CHSY3: variants seen among roughly 807,000 people sequenced by gnomAD.
CHSY3 encodes N-acetylgalactosaminyl-proteoglycan 3-beta-glucuronosyltransferase 3.
Under a neutral mutation model 67.2 loss-of-function variants are expected in CHSY3, and 35 were observed. That is an observed-to-expected ratio of 0.52 (90% CI 0.40 to 0.69). CHSY3 has a LOEUF of 0.69. Among genes scored for constraint, CHSY3 ranks in the 30% least tolerant of loss-of-function variants. The probability of loss-of-function intolerance (pLI) is 0.00; values close to 1 mark genes in which losing one functional copy is unlikely to be tolerated. For missense variants in CHSY3, 1,069 were observed against 1,138.5 expected, an observed-to-expected ratio of 0.94 and a Z score of 0.88; for synonymous variants, 474 against 434.7, an observed-to-expected ratio of 1.09 and a Z score of -1.12.
intron 2 of CHSY3, among the ~76,000 whole-genome samples, chr5:130,182,715 C>T (rs1048308416): frequency 4.6e-5 from 7 of 151,946 alleles, no homozygotes; most frequent in Non-Finnish European, 1.0e-4. Flanking sequence ...GAATATCCTA[C>T]TGATCTGGCA....
intron 2 of CHSY3, among the ~76,000 whole-genome samples, chr5:130,050,183 T>C (rs1433679787): frequency 2.0e-5 from 3 of 152,158 alleles, no homozygotes; most frequent in Non-Finnish European, 4.4e-5. Context: ...TACTTTTCTT[T>C]TGACTAGTGC....
In CHSY3 at chr5:129,904,886, C is replaced by T; in HGVS notation, c.57C>T (p.Gly19=). The change falls in exon 1 of 3, where the codon GGC becomes GGT. Residue 19 remains glycine, a synonymous_variant. Transcript: ENST00000305031. ...GCGTGGCATTAGGGCTGGTGCTGGGCTTCACCGCCGCGTCCTGGCTCATCG... is the reference window on the plus strand; with the variant it reads ...GCGTGGCATTAGGGCTGGTGCTGGGTTTCACCGCCGCGTCCTGGCTCATCG... ...WMSVALGLVL[G]FTAASWLIAP... 1.3e-6 allele frequency: 2 copies of T among 1,522,128 alleles called. No individual in the cohort carries two copies. The highest frequency in any genetic ancestry group is 2.4e-5 in the South Asian group (2 of 82,172). 94.3% of individuals were successfully genotyped at this position (1,522,128 alleles called of 1,614,324 possible). A position where few individuals can be genotyped will look rare whatever the true frequency, so the allele number is the denominator to read the frequency against.
At chr5:129,947,559 G>A (rs1761894842) in intron 2 of CHSY3, among the ~76,000 whole-genome samples, 1 of 151,696 alleles carries the variant, frequency 6.6e-6, no homozygotes, top group African/African-American at 2.4e-5. Context: ...AGAGGTGGAG[G>A]CTGCAGTGAG....
chr5:130,071,844 A>T (rs1161140001), intron 2 of CHSY3, among the ~76,000 whole-genome samples: 1 of 151,948 alleles, frequency 6.6e-6, no homozygotes, highest in African/African-American at 2.4e-5. Flanking sequence ...TTTTCTCCAC[A>T]TTCTTACTAA....
chr5:129,993,659 T>C (rs532266706), intron 2 of CHSY3, among the ~76,000 whole-genome samples: 20 of 152,288 alleles, frequency 1.3e-4, no homozygotes, highest in African/African-American at 4.8e-4. Flanking sequence ...CTTGACTCTT[T>C]ATCCAATTTG....
chr5:129,985,654 A>G (rs890046976), intron 2 of CHSY3, among the ~76,000 whole-genome samples: 8 of 152,126 alleles, frequency 5.3e-5, no homozygotes, highest in African/African-American at 1.2e-4. Flanking sequence ...CTTTCTATCC[A>G]TGGGCATAAA....
chr5:130,040,967 A>G (rs1381365076), intron 2 of CHSY3, among the ~76,000 whole-genome samples: 1 of 152,076 alleles, frequency 6.6e-6, no homozygotes. Context: ...ACAGAGGCAA[A>G]TTAGTATTGA....
intron 2 of CHSY3, among the ~76,000 whole-genome samples, chr5:130,091,669 T>C (rs1766885550): frequency 6.6e-6 from 1 of 152,202 alleles, no homozygotes; most frequent in Non-Finnish European, 1.5e-5. Context: ...CATCATGTGA[T>C]ATAACAGTAC....
intron 2 of CHSY3, among the ~76,000 whole-genome samples, chr5:129,913,911 A>G (rs1760651971): frequency 6.6e-6 from 1 of 152,226 alleles, no homozygotes; most frequent in African/African-American, 2.4e-5. Flanking sequence ...TAAAGTCTGT[A>G]AACACCCTAG....
chr5:130,064,926 G>A (rs1426871196), intron 2 of CHSY3, among the ~76,000 whole-genome samples: 1 of 152,144 alleles, frequency 6.6e-6, no homozygotes, highest in Non-Finnish European at 1.5e-5. Context: ...CTTTTATTGT[G>A]AACAGTCAGG....
chr5:130,020,411 C>A (rs1764334169), intron 2 of CHSY3, among the ~76,000 whole-genome samples: 1 of 130,798 alleles, frequency 7.6e-6, no homozygotes. Context: ...CAAAGCAAGA[C>A]TTCATCTCAA....
chr5:130,055,891 T>C lies in CHSY3; in HGVS notation c.1087-128338T>C, dbSNP rs903805332. On this transcript the variant is annotated intron_variant, in intron 2 of 2. Coordinates refer to ENST00000305031, the MANE Select transcript of CHSY3 (RefSeq NM_175856.5). ...GCAGAATTGTCATTGTGGCTACTGG[T>C]CACCAATACCAAGGGACAACGTATG... Among the ~76,000 whole-genome samples, 8 of 152,082 alleles carry C rather than the reference T, an allele frequency of 5.3e-5. No individual in the cohort carries two copies. In the East Asian group the frequency reaches 1.5e-3, roughly 29 times the overall value.
At chr5:130,143,734 G>GTGTATATATATATATATATATA (rs1223966105) in intron 2 of CHSY3, among the ~76,000 whole-genome samples, 20 of 94,654 alleles carry the variant, frequency 2.1e-4, no homozygotes, top group African/African-American at 5.7e-4. Context: ...GTGTGTGTGT[G>GTGTATATATATATATATATATA]TATATATATA....
At position 130,185,873 on chromosome 5, in the gene CHSY3, AT is replaced by A; in HGVS notation, c.*86del. The A allele has an allele frequency of 1.4e-6, 1 of 698,498 alleles. No individual in the cohort carries two copies. The highest frequency in any genetic ancestry group is 2.1e-6 in the Non-Finnish European group (1 of 481,458). 43.3% of individuals were successfully genotyped at this position (698,498 alleles called of 1,614,324 possible). A position where few individuals can be genotyped will look rare whatever the true frequency, so the allele number is the denominator to read the frequency against. On this transcript the variant is annotated 3_prime_UTR_variant, in exon 3 of 3. Transcript: ENST00000305031. ...TTGTTATTTTTATTGTATTATTGTT[AT>A]TTTATTATTATTATTGTTATAATTT...
At chr5:129,991,488 T>C (rs1373190459) in intron 2 of CHSY3, among the ~76,000 whole-genome samples, 1 of 152,168 alleles carries the variant, frequency 6.6e-6, no homozygotes, top group Non-Finnish European at 1.5e-5. Context: ...TATAAAGCAG[T>C]GATAGTGCTG....
At position 129,908,606 on chromosome 5, in the gene CHSY3, A is replaced by C. The variant is rs72667108; in HGVS notation, c.1086+246A>C. On this transcript the variant is annotated intron_variant, in intron 2 of 2. Coordinates refer to ENST00000305031, the MANE Select transcript of CHSY3 (RefSeq NM_175856.5). The stretch of plus-strand genomic sequence containing the variant: ...CCTATACTTATGGCCACATCTCTGG[A>C]AGATGCTTATATCCTCCCCTGCTTG... 2.9e-3 allele frequency among the ~76,000 whole-genome samples: 447 copies of C among 152,182 alleles called. 7 individuals carry two copies. In the East Asian group the frequency reaches 0.055, roughly 19 times the overall value.
intron 2 of CHSY3, among the ~76,000 whole-genome samples, chr5:130,010,094 C>A (rs1764008448): frequency 6.6e-6 from 1 of 152,112 alleles, no homozygotes; most frequent in Non-Finnish European, 1.5e-5. Context: ...AGAAAACCAG[C>A]AAAGATATTT....
chr5:129,933,687 T>A lies in CHSY3; in HGVS notation c.1086+25327T>A, dbSNP rs925077133. ...CAGCAAAACTTCCAAAAATAGTTGATAATAAGTATACCCCTGGAATGGGAT... is the reference window on the plus strand; with the variant it reads ...CAGCAAAACTTCCAAAAATAGTTGAAAATAAGTATACCCCTGGAATGGGAT... On this transcript the variant is annotated intron_variant, in intron 2 of 2. Transcript: ENST00000305031. Among the ~76,000 whole-genome samples, 18 of 152,168 alleles carry A rather than the reference T, an allele frequency of 1.2e-4. 1 individual carries two copies.
At chr5:129,954,449 T>C (rs1053090810) in intron 2 of CHSY3, among the ~76,000 whole-genome samples, 1 of 150,902 alleles carries the variant, frequency 6.6e-6, no homozygotes, top group African/African-American at 2.4e-5. Flanking sequence ...CTTAGGATTG[T>C]CTTGGCTATA....
Sources: allele counts gnomAD v4.1 joint callset (sites outside exome capture counted in the v4.1 genomes callset), GRCh38; gene constraint gnomAD v4.1.1; transcripts MANE v1.5; gene names NCBI Gene and HGNC (gene_info 2026-07-23, HGNC 2026-07-21).